Variants in LRBA observed in about 807,000 individuals in gnomAD.
The protein encoded by LRBA is LPS responsive beige-like anchor protein, also known as lipopolysaccharide-responsive and beige-like anchor protein.
LRBA carries 176 observed loss-of-function variants against 330.0 expected under a neutral mutation model. The ratio of observed to expected loss-of-function variants is 0.53; its 90% CI spans 0.47 to 0.60. The LOEUF (loss-of-function observed/expected upper bound fraction) is 0.60, where lower values mean the gene tolerates loss of function less well. Among genes scored for constraint, LRBA ranks in the 20% least tolerant of loss-of-function variants. The pLI is 0.00. For missense variants in LRBA, 3,259 were observed against 3,444.8 expected, an observed-to-expected ratio of 0.95 and a Z score of 1.35; for synonymous variants, 1,230 against 1,193.0, an observed-to-expected ratio of 1.03 and a Z score of -0.64.
chr4:150,987,486 T>A (rs1408078744), intron 2 of LRBA, among the ~76,000 whole-genome samples: 1 of 152,114 alleles, frequency 6.6e-6, no homozygotes, highest in Non-Finnish European at 1.5e-5. Context: ...GCAGACCACT[T>A]AGTCCAGTCA....
chr4:150,730,425 GT>G (rs1730282706), intron 36 of LRBA, among the ~76,000 whole-genome samples: 1 of 152,176 alleles, frequency 6.6e-6, no homozygotes, highest in Non-Finnish European at 1.5e-5. Context: ...GCTCATGTCT[GT>G]AATGCCAGAA....
intron 2 of LRBA, among the ~76,000 whole-genome samples, chr4:150,960,515 T>TG (rs1475959717): frequency 1.0e-4 from 15 of 148,980 alleles, no homozygotes; most frequent in Admixed American, 8.6e-4. Flanking sequence ...TAAGAAAAAC[T>TG]AAATTATAGA....
intron 34 of LRBA, among the ~76,000 whole-genome samples, chr4:150,782,832 A>G (rs1738468078): frequency 6.6e-6 from 1 of 152,194 alleles, no homozygotes; most frequent in Admixed American, 6.5e-5. Flanking sequence ...AGCAGACGAA[A>G]AGTGAACCTT....
At chr4:150,448,846 A>G (rs1752989761) in intron 44 of LRBA, among the ~76,000 whole-genome samples, 2 of 150,012 alleles carry the variant, frequency 1.3e-5, no homozygotes, top group South Asian at 2.1e-4. Flanking sequence ...GGCAGGAAAG[A>G]AGAATCTGCT....
chr4:150,606,069 T>C (rs1323400163), intron 37 of LRBA, among the ~76,000 whole-genome samples: 2 of 152,170 alleles, frequency 1.3e-5, no homozygotes, highest in East Asian at 1.9e-4. Context: ...TCAATGTATG[T>C]CTGTATTTGT....
rs75364444 is a variant in LRBA at position 150,760,809 on chromosome 4, T to C, written c.5645+974A>G. Among the ~76,000 whole-genome samples the C allele has an allele frequency of 7.7e-3, 1,172 of 152,288 alleles. 12 individuals carry two copies. The highest frequency in any genetic ancestry group is 0.027 in the African/African-American group (1,118 of 41,554). On this transcript the variant is annotated intron_variant, in intron 35 of 56. Coordinates refer to ENST00000651943, the MANE Select transcript of LRBA (RefSeq NM_001364905.1). Reference sequence around the variant, plus strand: ...CTATCACAGAATTTAGCATGAAGTATTATAATTGCAGGTTACTAGTCTGTG... The same window carrying C: ...CTATCACAGAATTTAGCATGAAGTACTATAATTGCAGGTTACTAGTCTGTG...
chr4:150,543,018 C>T (rs1490390442), intron 40 of LRBA, among the ~76,000 whole-genome samples: 1 of 152,044 alleles, frequency 6.6e-6, no homozygotes, highest in Non-Finnish European at 1.5e-5. Context: ...ATAAGTGTCC[C>T]AAAATTCACC....
chr4:150,679,321 G>A (rs1040446457), intron 37 of LRBA, among the ~76,000 whole-genome samples: 1 of 152,080 alleles, frequency 6.6e-6, no homozygotes, highest in Non-Finnish European at 1.5e-5. Context: ...TTGGACTCTG[G>A]ATTTTAAAAT....
intron 36 of LRBA, among the ~76,000 whole-genome samples, chr4:150,730,932 C>G (rs760212845): frequency 1.3e-5 from 2 of 152,006 alleles, no homozygotes; most frequent in African/African-American, 4.8e-5. Flanking sequence ...TCATGAGAAT[C>G]GCCTGAACCA....
chr4:150,784,704 CTCCT>C (rs1197707287), intron 34 of LRBA, among the ~76,000 whole-genome samples: 2 of 152,130 alleles, frequency 1.3e-5, no homozygotes, highest in African/African-American at 2.4e-5. Context: ...TACAGGGGAG[CTCCT>C]TCCTTCTTTC....
intron 40 of LRBA, among the ~76,000 whole-genome samples, chr4:150,562,684 A>G (rs1768525520): frequency 6.6e-6 from 1 of 152,238 alleles, no homozygotes; most frequent in African/African-American, 2.4e-5. Context: ...TCTGCATTCA[A>G]GACATTAAAG....
At chr4:150,679,087 T>C (rs1782828200) in intron 37 of LRBA, among the ~76,000 whole-genome samples, 1 of 152,188 alleles carries the variant, frequency 6.6e-6, no homozygotes. Flanking sequence ...GAGTTCAATA[T>C]TGAATTTCAC....
intron 37 of LRBA, among the ~76,000 whole-genome samples, chr4:150,636,071 A>G (rs183129421): frequency 1.3e-5 from 2 of 151,984 alleles, no homozygotes; most frequent in African/African-American, 2.4e-5. Context: ...CTTAATAGAT[A>G]TAGCCTAAAA....
chr4:150,828,461 G>T lies in LRBA; in HGVS notation c.4890C>A (p.Val1630=). 6.2e-7 allele frequency: 1 copy of T among 1,614,100 alleles called. No homozygotes were observed. The highest frequency in any genetic ancestry group is 1.1e-5 in the South Asian group (1 of 91,076). ...EVTPHTAPPG[V]SAGPDAISEV... is the part of the protein sequence containing the mutation. ...CGCTGATTGCATCTGGGCCTGCACT[G>T]ACACCAGGAGGTGCTGTGTGAGGAG... The change falls in exon 30 of 57, where the codon GTC becomes GTA. Residue 1630 remains valine, a synonymous_variant. Transcript: ENST00000651943.
At chr4:150,450,363 A>G (rs1753192213) in intron 44 of LRBA, among the ~76,000 whole-genome samples, 1 of 152,192 alleles carries the variant, frequency 6.6e-6, no homozygotes, top group African/African-American at 2.4e-5. Flanking sequence ...TCTGAAATCA[A>G]GTTGTTGGCA....
intron 26 of LRBA, among the ~76,000 whole-genome samples, chr4:150,847,068 ATAGAT>A (rs1462572440): frequency 6.6e-6 from 1 of 152,174 alleles, no homozygotes; most frequent in African/African-American, 2.4e-5. Flanking sequence ...TATAATACTA[ATAGAT>A]TAAAGAAGTA....
intron 37 of LRBA, among the ~76,000 whole-genome samples, chr4:150,642,330 C>G (rs1215139945): frequency 6.6e-6 from 1 of 151,388 alleles, no homozygotes; most frequent in African/African-American, 2.4e-5. Flanking sequence ...ACTAGGCCAT[C>G]AAAAAAAGAA....
chr4:150,779,497 A>G (rs1415688217), intron 34 of LRBA, among the ~76,000 whole-genome samples: 1 of 152,056 alleles, frequency 6.6e-6, no homozygotes, highest in Non-Finnish European at 1.5e-5. Context: ...AATATACTTA[A>G]GTTGATAAGG....
At chr4:151,002,875 G>A (rs1489746756) in intron 2 of LRBA, among the ~76,000 whole-genome samples, 1 of 151,916 alleles carries the variant, frequency 6.6e-6, no homozygotes, top group Non-Finnish European at 1.5e-5. Context: ...TTAGCTGGGT[G>A]TAGTGGCACC....
Sources: gnomAD v4.1 joint callset for allele counts (sites outside exome capture counted in the v4.1 genomes callset) on GRCh38, gnomAD v4.1.1 for gene constraint, MANE v1.5 for transcripts, NCBI Gene and HGNC (gene_info 2026-07-23, HGNC 2026-07-21) for gene names.